The following DRC3 variants were observed in gnomAD, a reference collection of about 807,000 sequenced individuals.
The protein encoded by DRC3 is leucine rich repeat containing 48.
DRC3 carries 45 observed loss-of-function variants against 57.6 expected under a neutral mutation model. That is an observed-to-expected ratio of 0.78 (90% CI 0.62 to 1.00). The LOEUF (loss-of-function observed/expected upper bound fraction) is 1.00, where lower values mean the gene tolerates loss of function less well. DRC3 is among the 50% of genes least tolerant of loss of function. DRC3 has a pLI of 0.00. For synonymous variants in DRC3, 257 were observed against 272.3 expected, an observed-to-expected ratio of 0.94 and a Z score of 0.55; for missense variants, 655 against 675.2, an observed-to-expected ratio of 0.97 and a Z score of 0.33.
At chr17:17,990,526 TCTC>T (rs1008936739) in intron 5 of DRC3, among the ~76,000 whole-genome samples, 9 of 152,176 alleles carry the variant, frequency 5.9e-5, no homozygotes, top group African/African-American at 2.2e-4. Context: ...AGGAATGTGC[TCTC>T]CTCTGCTCTT....
intron 5 of DRC3, among the ~76,000 whole-genome samples, 152 bp from the exon 6 acceptor site, chr17:17,992,613 C>A (rs996205437): frequency 6.6e-6 from 1 of 152,124 alleles, no homozygotes; most frequent in Non-Finnish European, 1.5e-5. Flanking sequence ...CCTGGAACAC[C>A]CCCACGCCTG....
Position 18,007,163 on chromosome 17 carries a change from T to TGA in DRC3, c.1326+17_1326+18insAG. 2.6e-5 allele frequency: 1 copy of TGA among 38,322 alleles called. No homozygotes were observed. Among genetic ancestry groups the TGA allele is most frequent in the Non-Finnish European group, 4.3e-5 (1 of 23,384 alleles). The allele number at this position is 38,322 out of a possible 1,614,324, so 2.4% of individuals were successfully genotyped here. Reference sequence around the variant, plus strand: ...CCTGCGCGCGGTAGGCGGGGCGGGCTGCTCGGAGCCTGACAGATGTGGTCC... The same window carrying TGA: ...CCTGCGCGCGGTAGGCGGGGCGGGCTGAGCTCGGAGCCTGACAGATGTGGTCC... On this transcript the variant is annotated intron_variant, in intron 12 of 13. Transcript: ENST00000399187.
At chr17:17,981,358 G>T in intron 3 of DRC3, 1 of 210,020 alleles carries the variant, frequency 4.8e-6, no homozygotes, top group South Asian at 9.5e-5. Context: ...GATGGCATTG[G>T]CAGGGTACCA....
intron 12 of DRC3, among the ~76,000 whole-genome samples, chr17:18,014,728 A>T (rs1230828718): frequency 1.3e-5 from 2 of 152,154 alleles, no homozygotes; most frequent in Non-Finnish European, 2.9e-5. Flanking sequence ...CCTTTTCGTG[A>T]TGGGTTGACA....
chr17:18,014,298 C>T (rs911037939), intron 12 of DRC3, among the ~76,000 whole-genome samples: 5 of 152,194 alleles, frequency 3.3e-5, no homozygotes, highest in Non-Finnish European at 5.9e-5. Context: ...GACCACAGAG[C>T]AGGGCAACAG....
At chr17:17,981,534 T>C (rs2042687084) in intron 3 of DRC3, 1 of 153,388 alleles carries the variant, frequency 6.5e-6, no homozygotes, top group Admixed American at 6.5e-5. Flanking sequence ...AGGTTGTAGG[T>C]GGGCAGCCAC....
At chr17:18,001,657 G>A (rs1021156666) in intron 9 of DRC3, among the ~76,000 whole-genome samples, 7 of 152,088 alleles carry the variant, frequency 4.6e-5, no homozygotes, top group Non-Finnish European at 8.8e-5. Context: ...TTGGCTGGGG[G>A]AGGTGGTTCA....
intron 4 of DRC3, among the ~76,000 whole-genome samples, chr17:17,985,760 C>G (rs2042928075): frequency 6.6e-6 from 1 of 152,142 alleles, no homozygotes; most frequent in African/African-American, 2.4e-5. Flanking sequence ...CACTTGCTAG[C>G]ACACCACTAG....
chr17:17,992,834 G>C lies in DRC3; in HGVS notation c.514G>C (p.Glu172Gln). ...SLSRNPISEA[E>Q]DYKMFICAYL... ...CTCTAGGAACCCTATCTCTGAGGCA[G>C]AGGATTACAAGATGTTCATCTGTGC... is the stretch of plus-strand genomic sequence containing the variant. The change falls in exon 6 of 14, where the codon GAG becomes CAG. Residue 172 changes from glutamate to glutamine, a missense_variant. Transcript: ENST00000399187. 1 of 1,614,016 alleles carries C rather than the reference G, an allele frequency of 6.2e-7. No homozygotes were observed. The highest frequency in any genetic ancestry group is 8.5e-7 in the Non-Finnish European group (1 of 1,179,884).
chr17:18,015,266 G>A (rs1164313428), intron 12 of DRC3: 2 of 152,146 alleles, frequency 1.3e-5, no homozygotes, highest in African/African-American at 2.4e-5. Context: ...CTACAGGAAA[G>A]AACAAAAAAT....
intron 9 of DRC3, among the ~76,000 whole-genome samples, chr17:17,998,104 A>G (rs2043538623): frequency 6.6e-6 from 1 of 152,174 alleles, no homozygotes; most frequent in South Asian, 2.1e-4. Context: ...GCTCAGACCC[A>G]GGCCCAGGCC....
intron 5 of DRC3, among the ~76,000 whole-genome samples, chr17:17,990,926 G>A (rs1460684399): frequency 6.6e-6 from 1 of 152,152 alleles, no homozygotes; most frequent in Admixed American, 6.5e-5. Context: ...GGGAGGTGGA[G>A]GTTGCAGTGA....
intron 9 of DRC3, among the ~76,000 whole-genome samples, chr17:17,999,563 G>A (rs2043602166): frequency 6.6e-6 from 1 of 152,152 alleles, no homozygotes; most frequent in Admixed American, 6.5e-5. Context: ...CTCATCCATT[G>A]CACACAGTGC....
At chr17:17,977,471 T>C in intron 2 of DRC3, 111 bp from the exon 3 acceptor site, 11 of 1,274,590 alleles carry the variant, frequency 8.6e-6, no homozygotes, top group Non-Finnish European at 1.2e-5. Context: ...GCGTGGGGCA[T>C]TCCTCAGAGT....
intron 12 of DRC3, 23 bp downstream of exon 12, chr17:18,007,170 A>AAGG: frequency 2.4e-5 from 1 of 41,496 alleles, no homozygotes; most frequent in Non-Finnish European, 4.0e-5. Flanking sequence ...GGCTGCTCGG[A>AAGG]GCCTGACAGA....
In DRC3 at chr17:17,977,155, C is replaced by T. The variant is rs538810214; in HGVS notation, c.-17-427C>T. 1.1e-4 allele frequency among the ~76,000 whole-genome samples: 17 copies of T among 152,300 alleles called. No homozygotes were observed. The South Asian group carries it at 1.7e-3, about 15-fold the overall frequency. On this transcript the variant is annotated intron_variant, in intron 2 of 13. Transcript: ENST00000399187. ...TGAGGTGCTCAAGGAAGAGGAGCTGCAGGCTGACAGGCCTGGCTGGGGCTG... is the reference window on the plus strand; with the variant it reads ...TGAGGTGCTCAAGGAAGAGGAGCTGTAGGCTGACAGGCCTGGCTGGGGCTG...
At chr17:18,007,363 C>T (rs1341520652) in intron 12 of DRC3, 1 of 1,547,114 alleles carries the variant, frequency 6.5e-7, no homozygotes, top group Non-Finnish European at 8.7e-7. Flanking sequence ...TAAAGAGGAG[C>T]TCATGATAAT....
intron 12 of DRC3, chr17:18,011,082 C>T (rs143774292): frequency 0.013 from 2,674 of 211,612 alleles, 80 homozygotes; most frequent in African/African-American, 0.059. Flanking sequence ...CTCAGCCTCC[C>T]GAGTAGCTGG....
At chr17:17,992,738 TG>T (rs756472371) in intron 5 of DRC3, 26 bp from the exon 6 acceptor site, 1 of 1,608,214 alleles carries the variant, frequency 6.2e-7, no homozygotes, top group South Asian at 1.1e-5. Context: ...GCCAAGAAAA[TG>T]GGCCTTTCTC....
Sources: gnomAD v4.1 joint callset for allele counts (sites outside exome capture counted in the v4.1 genomes callset) on GRCh38, gnomAD v4.1.1 for gene constraint, MANE v1.5 for transcripts, NCBI Gene and HGNC (gene_info 2026-07-23, HGNC 2026-07-21) for gene names.